The following MICU1 variants were observed in gnomAD, a reference collection of about 807,000 sequenced individuals.
The protein encoded by MICU1 is calcium uptake protein 1, mitochondrial.
Under a neutral mutation model 56.8 loss-of-function variants are expected in MICU1, and 45 were observed. That is an observed-to-expected ratio of 0.79 (90% CI 0.62 to 1.02). The LOEUF is 1.02. Among genes scored for constraint, MICU1 ranks in the 50% least tolerant of loss-of-function variants. MICU1 has a pLI of 0.00. For missense variants in MICU1, 504 were observed against 587.1 expected (o/e 0.86, Z 1.46); for synonymous variants, 186 against 195.1 (o/e 0.95, Z 0.39).
At chr10:72,369,307 A>G (rs1445422418) in intron 11 of MICU1, among the ~76,000 whole-genome samples, 2 of 151,564 alleles carry the variant, frequency 1.3e-5, no homozygotes, top group African/African-American at 4.8e-5. Flanking sequence ...CTCTTGGAAA[A>G]AAAAAAAAAA....
intron 5 of MICU1, among the ~76,000 whole-genome samples, chr10:72,526,432 A>C (rs1168656985): frequency 6.6e-6 from 1 of 152,096 alleles, no homozygotes; most frequent in Non-Finnish European, 1.5e-5. Context: ...AGTAGCTGGG[A>C]TTACAGGCGC....
At chr10:72,575,326 A>AT (rs1393026546) in intron 1 of MICU1, among the ~76,000 whole-genome samples, 4 of 152,160 alleles carry the variant, frequency 2.6e-5, no homozygotes, top group Non-Finnish European at 5.9e-5. Context: ...AAATATTTGT[A>AT]TTTTTTTACA....
chr10:72,566,062 T>TTG (rs1254162702), intron 2 of MICU1, among the ~76,000 whole-genome samples: 4 of 130,200 alleles, frequency 3.1e-5, no homozygotes, highest in Non-Finnish European at 6.7e-5. Context: ...TTTTTTTTTT[T>TTG]GGAGACAGTT....
chr10:72,385,567 G>C (rs1398952704), intron 10 of MICU1, among the ~76,000 whole-genome samples: 2 of 152,124 alleles, frequency 1.3e-5, no homozygotes, highest in African/African-American at 4.8e-5. Flanking sequence ...TTATCTTCCA[G>C]CCCTAAAATT....
chr10:72,466,767 C>T (rs1865806331), intron 8 of MICU1, among the ~76,000 whole-genome samples: 1 of 151,992 alleles, frequency 6.6e-6, no homozygotes, highest in South Asian at 2.1e-4. Flanking sequence ...AATATTTTGG[C>T]CAGGAAAGGA....
At chr10:72,399,032 G>C (rs1863361023) in intron 10 of MICU1, among the ~76,000 whole-genome samples, 6 of 152,126 alleles carry the variant, frequency 3.9e-5, no homozygotes, top group Middle Eastern at 6.8e-3. Context: ...AACATCAATG[G>C]GAAAATCCTC....
intron 8 of MICU1, among the ~76,000 whole-genome samples, chr10:72,450,837 G>A (rs933242546): frequency 6.0e-5 from 9 of 148,962 alleles, no homozygotes; most frequent in Non-Finnish European, 8.9e-5. Context: ...CGATTCTCCC[G>A]CTTCAGCCTC....
chr10:72,406,905 G>A (rs1373653570), intron 10 of MICU1, among the ~76,000 whole-genome samples: 2 of 152,134 alleles, frequency 1.3e-5, no homozygotes, highest in African/African-American at 4.8e-5. Flanking sequence ...CGGATTACAG[G>A]CATGAACCAC....
At chr10:72,531,106 C>CT in intron 5 of MICU1, among the ~76,000 whole-genome samples, 1 of 151,894 alleles carries the variant, frequency 6.6e-6, no homozygotes, top group East Asian at 1.9e-4. Flanking sequence ...AAATGGTGTG[C>CT]TAAAAGTTAA....
intron 1 of MICU1, among the ~76,000 whole-genome samples, chr10:72,611,529 G>A (rs371010045): frequency 6.6e-5 from 10 of 151,878 alleles, no homozygotes; most frequent in Non-Finnish European, 1.0e-4. Flanking sequence ...GCTGAGGCAG[G>A]AGAATTGCTT....
chr10:72,417,565 T>A (rs1252477391), intron 9 of MICU1, among the ~76,000 whole-genome samples: 1 of 152,236 alleles, frequency 6.6e-6, no homozygotes, highest in Non-Finnish European at 1.5e-5. Flanking sequence ...AACTGAGTTA[T>A]AATTTTCAAT....
At chr10:72,455,072 C>T (rs992509447) in intron 8 of MICU1, among the ~76,000 whole-genome samples, 6 of 151,946 alleles carry the variant, frequency 3.9e-5, no homozygotes, top group African/African-American at 1.5e-4. Flanking sequence ...GAAGTTCGGC[C>T]AGGCGCAGTG....
At chr10:72,502,080 T>C (rs1354224725) in intron 6 of MICU1, among the ~76,000 whole-genome samples, 1 of 152,088 alleles carries the variant, frequency 6.6e-6, no homozygotes, top group African/African-American at 2.4e-5. Flanking sequence ...TAGAGCACAG[T>C]GTTCATATTC....
At chr10:72,493,106 C>G (rs1866719005) in intron 6 of MICU1, among the ~76,000 whole-genome samples, 1 of 152,104 alleles carries the variant, frequency 6.6e-6, no homozygotes, top group African/African-American at 2.4e-5. Flanking sequence ...ACCCCCCAAA[C>G]ATCCTTAACT....
chr10:72,372,071 G>GA (rs1165544289), intron 11 of MICU1, among the ~76,000 whole-genome samples: 1 of 148,352 alleles, frequency 6.7e-6, no homozygotes, highest in Non-Finnish European at 1.5e-5. Context: ...AAAAAAAAAA[G>GA]AAAAAAATAA....
At chr10:72,607,953 C>T (rs2132560306) in intron 1 of MICU1, among the ~76,000 whole-genome samples, 1 of 152,308 alleles carries the variant, frequency 6.6e-6, no homozygotes. Flanking sequence ...ACAATCCACA[C>T]ATCTGGTGTA....
At chr10:72,567,325 A>T (rs969252693) in intron 1 of MICU1, among the ~76,000 whole-genome samples, 3 of 152,190 alleles carry the variant, frequency 2.0e-5, no homozygotes, top group African/African-American at 7.2e-5. Context: ...GTCTCAAAAA[A>T]ATGAATAAAA....
intron 6 of MICU1, among the ~76,000 whole-genome samples, chr10:72,480,443 T>C (rs1247338897): frequency 1.3e-5 from 2 of 152,212 alleles, no homozygotes; most frequent in Non-Finnish European, 2.9e-5. Context: ...AGGTTTAAGC[T>C]GGGATTTATG....
chr10:72,473,141 C>T (rs1299928134), intron 8 of MICU1: 1 of 151,730 alleles, frequency 6.6e-6, no homozygotes, highest in Non-Finnish European at 1.5e-5. Context: ...AAATAAAGAC[C>T]CAAAACACTT....
Sources: allele counts gnomAD v4.1 joint callset (sites outside exome capture counted in the v4.1 genomes callset), GRCh38; gene constraint gnomAD v4.1.1; transcripts MANE v1.5; gene names NCBI Gene and HGNC (gene_info 2026-07-23, HGNC 2026-07-21).